The following COIL variants were observed in gnomAD, a reference collection of about 807,000 sequenced individuals.
COIL encodes coilin p80.
Under a neutral mutation model 51.6 loss-of-function variants are expected in COIL, and 28 were observed. The ratio of observed to expected loss-of-function variants is 0.54; its 90% CI spans 0.40 to 0.74. The LOEUF is 0.74. COIL is among the 30% of genes least tolerant of loss of function. COIL has a pLI of 0.00. For synonymous variants in COIL, 233 were observed against 255.8 expected, an observed-to-expected ratio of 0.91 and a Z score of 0.85; for missense variants, 667 against 685.9, an observed-to-expected ratio of 0.97 and a Z score of 0.31.
chr17:56,948,259 T>G (rs1034404953), intron 4 of COIL, among the ~76,000 whole-genome samples: 2 of 150,578 alleles, frequency 1.3e-5, no homozygotes, highest in African/African-American at 2.4e-5. Context: ...CTCAGCCTCC[T>G]GAGTAGCTGG....
Position 56,949,693 on chromosome 17 carries a change from C to A in COIL, c.1428G>T (p.Lys476Asn). 6.2e-7 allele frequency: 1 copy of A among 1,613,782 alleles called. No homozygotes were observed. The highest frequency in any genetic ancestry group is 8.5e-7 in the Non-Finnish European group (1 of 1,179,678). Reference sequence around the variant, plus strand: ...TTTTGAAATATACCTTAAATGCAATCTTTTCTCCAACTTGAGGGGCAGCTG... The same window carrying A: ...TTTTGAAATATACCTTAAATGCAATATTTTCTCCAACTTGAGGGGCAGCTG... ...LLAAAPQVGE[K>N]IAFKLLELTS... The change falls in exon 3 of 7, where the codon AAG becomes AAT. Residue 476 changes from lysine to asparagine, a missense_variant. Transcript: ENST00000240316.
chr17:56,943,250 T>C (rs1041301073), intron 5 of COIL, among the ~76,000 whole-genome samples: 1 of 152,242 alleles, frequency 6.6e-6, no homozygotes, highest in Non-Finnish European at 1.5e-5. Context: ...TGTCGTGAAA[T>C]AGCTCAAAGA....
intron 1 of COIL, among the ~76,000 whole-genome samples, chr17:56,958,576 T>C (rs1174645098): frequency 6.6e-6 from 1 of 152,244 alleles, no homozygotes; most frequent in Non-Finnish European, 1.5e-5. Flanking sequence ...ACAGTTTTCA[T>C]GGTTTGTTTT....
rs1910331983 is a variant in COIL at position 56,950,203 on chromosome 17, A to G, written c.1039T>C (p.Phe347Leu). 6.2e-7 allele frequency: 1 copy of G among 1,613,980 alleles called. No individual in the cohort carries two copies. The highest frequency in any genetic ancestry group is 1.7e-5 in the Admixed American group (1 of 59,988). ...AAGFLKTVGL[F>L]AGRGRPGPGL... Reference sequence around the variant, plus strand: ...GGGCCTGGACGACCTCTTCCTGCAAAAAGGCCTACTGTCTTTAAGAAACCC... The same window carrying G: ...GGGCCTGGACGACCTCTTCCTGCAAGAAGGCCTACTGTCTTTAAGAAACCC... Residue 347 changes from phenylalanine to leucine, a missense_variant, in exon 2 of 7, where the codon TTT (phenylalanine) becomes CTT (leucine). Physicochemically the swap from Phe to Leu is conservative, Grantham distance 22. Transcript: ENST00000240316.
chr17:56,950,684 C>T lies in COIL; in HGVS notation c.558G>A (p.Lys186=). The T allele has an allele frequency of 6.2e-7, 1 of 1,609,346 alleles. No homozygotes were observed. The highest frequency in any genetic ancestry group is 1.7e-4 in the Middle Eastern group (1 of 6,032). ...TTTTATATTCACATTTCTCCTTTTT[C>T]TTTGGTGATTTTCTTTTGGCCTCTT... ...DNEEAKRKSP[K]KKEKCEYKKK... The change falls in exon 2 of 7, where the codon AAG becomes AAA. Residue 186 remains lysine, a synonymous_variant. Transcript: ENST00000240316.
At chr17:56,941,839 G>A (rs994697599) in intron 6 of COIL, among the ~76,000 whole-genome samples, 196 bp downstream of exon 6, 2 of 152,178 alleles carry the variant, frequency 1.3e-5, no homozygotes, top group African/African-American at 4.8e-5. Context: ...TTAAAGAAAA[G>A]TTTGTTATTT....
At chr17:56,953,223 A>G (rs138741966) in intron 1 of COIL, among the ~76,000 whole-genome samples, 11,097 of 151,946 alleles carry the variant, frequency 0.073, 561 homozygotes, top group Non-Finnish European at 0.11. Flanking sequence ...CATCCTGGCT[A>G]ACACAGTGAA....
At chr17:56,960,317 A>T (rs535769926) in intron 1 of COIL, among the ~76,000 whole-genome samples, 1 of 151,858 alleles carries the variant, frequency 6.6e-6, no homozygotes, top group East Asian at 1.9e-4. Context: ...TGAGGTCAGG[A>T]GTTCGAGACC....
At chr17:56,942,236 T>G in intron 5 of COIL, 113 bp from the exon 6 acceptor site, 1 of 833,224 alleles carries the variant, frequency 1.2e-6, no homozygotes, top group Non-Finnish European at 2.0e-6. Context: ...AACTGTCAAT[T>G]AATGTGAAGG....
intron 5 of COIL, among the ~76,000 whole-genome samples, chr17:56,946,041 T>C (rs942302712): frequency 6.6e-6 from 1 of 152,156 alleles, no homozygotes; most frequent in Non-Finnish European, 1.5e-5. Flanking sequence ...TAAGGCAAGA[T>C]TGCAAAAATT....
At position 56,950,356 on chromosome 17, in the gene COIL, T is replaced by TAA. The variant is rs1910337305; in HGVS notation, c.885_886insTT (p.Ile296LeufsTer2). ...GGGGTAAGGCTAAAGCCAAGTTTTA[T>TAA]AGCCAGTTTGTCTGCAGTTGTATTT... On this transcript the variant is annotated frameshift_variant, in exon 2 of 7. Coordinates refer to ENST00000240316, the MANE Select transcript of COIL (RefSeq NM_004645.3). LOFTEE classifies it high-confidence loss of function. 1 of 1,614,134 alleles carries TAA rather than the reference T, an allele frequency of 6.2e-7. No individual in the cohort carries two copies. The highest frequency in any genetic ancestry group is 8.5e-7 in the Non-Finnish European group (1 of 1,180,052).
intron 1 of COIL, among the ~76,000 whole-genome samples, chr17:56,952,562 T>C (rs1910393938): frequency 6.6e-6 from 1 of 152,188 alleles, no homozygotes. Flanking sequence ...TCCAACCCAC[T>C]GAAGGCCTGA....
chr17:56,944,251 C>T (rs559792074), intron 5 of COIL, among the ~76,000 whole-genome samples: 1 of 152,188 alleles, frequency 6.6e-6, no homozygotes, highest in East Asian at 1.9e-4. Flanking sequence ...TTCTGTCCAC[C>T]GTTCCTAAGA....
chr17:56,953,811 AGT>A lies in COIL; in HGVS notation c.246-2817_246-2816del, dbSNP rs1354320830. ...GACAAACAAATCAAGATAAAATAAG[AGT>A]TACTGATATCAGGAGTAGGAGAAAG... On this transcript the variant is annotated intron_variant, in intron 1 of 6. Coordinates refer to ENST00000240316, the MANE Select transcript of COIL (RefSeq NM_004645.3). Among the ~76,000 whole-genome samples, 48 of 152,302 alleles carry A rather than the reference AGT, an allele frequency of 3.2e-4. 1 individual carries two copies. The highest frequency in any genetic ancestry group is 1.1e-3 in the African/African-American group (46 of 41,562).
At chr17:56,959,002 C>T (rs1910531360) in intron 1 of COIL, among the ~76,000 whole-genome samples, 1 of 151,890 alleles carries the variant, frequency 6.6e-6, no homozygotes. Flanking sequence ...AGAAAATAGC[C>T]TGGTTCACAA....
At chr17:56,942,496 T>C (rs1352029318) in intron 5 of COIL, among the ~76,000 whole-genome samples, 1 of 152,116 alleles carries the variant, frequency 6.6e-6, no homozygotes, top group African/African-American at 2.4e-5. Context: ...ATATGCTTCC[T>C]ACTACTTGGT....
At chr17:56,940,480 AT>A (rs949137911) in intron 6 of COIL, among the ~76,000 whole-genome samples, 27 of 152,104 alleles carry the variant, frequency 1.8e-4, no homozygotes, top group Non-Finnish European at 1.9e-4. Flanking sequence ...CCAAGGTTTA[AT>A]TTTCCAATGC....
At chr17:56,956,720 C>A (rs1847172145) in intron 1 of COIL, among the ~76,000 whole-genome samples, 1 of 151,612 alleles carries the variant, frequency 6.6e-6, no homozygotes. Flanking sequence ...GCCCCTCAAG[C>A]AGCTGGGACT....
chr17:56,951,125 T>A, intron 1 of COIL, 129 bp from the exon 2 acceptor site: 1 of 925,748 alleles, frequency 1.1e-6, no homozygotes, highest in Non-Finnish European at 1.5e-6. Context: ...TCACATCACT[T>A]AAAGACAAAA....
Sources: allele counts gnomAD v4.1 joint callset (sites outside exome capture counted in the v4.1 genomes callset), GRCh38; gene constraint gnomAD v4.1.1; transcripts MANE v1.5; gene names NCBI Gene and HGNC (gene_info 2026-07-23, HGNC 2026-07-21).